Variants in EBF1 observed in about 807,000 individuals in gnomAD.
The protein encoded by EBF1 is transcription factor COE1.
EBF1 carries 10 observed loss-of-function variants against 68.4 expected under a neutral mutation model. The observed-to-expected ratio is 0.15, with a 90% CI of 0.09 to 0.25. The LOEUF (loss-of-function observed/expected upper bound fraction) is 0.25, where lower values mean the gene tolerates loss of function less well. Ranked by LOEUF, EBF1 falls within the 10% of genes least tolerant of loss-of-function variation. EBF1 has a pLI of 1.00. For missense variants in EBF1, 509 were observed against 794.4 expected (o/e 0.64, Z 4.32); for synonymous variants, 298 against 299.8 (o/e 0.99, Z 0.06).
rs776244769 is a variant in EBF1, at chr5:159,098,788, AAAAT to A, written c.134+553_134+556del. On this transcript the variant is annotated intron_variant, in intron 1 of 15. Coordinates refer to ENST00000313708, the MANE Select transcript of EBF1 (RefSeq NM_024007.5). Reference sequence around the variant, plus strand: ...AAAGGAAGAGGAAGGAGAAGAGAAGAAAATAAAGGGGGGAGAAAGGAAAGAAGGA... The same window carrying A: ...AAAGGAAGAGGAAGGAGAAGAGAAGAAAAGGGGGGAGAAAGGAAAGAAGGA... Among the ~76,000 whole-genome samples the A allele has an allele frequency of 2.9e-4, 43 of 148,030 alleles. 1 individual carries two copies. The highest frequency in any genetic ancestry group is 2.3e-4 in the South Asian group (1 of 4,316).
At chr5:159,047,128 C>T (rs1317922109) in intron 6 of EBF1, among the ~76,000 whole-genome samples, 3 of 152,160 alleles carry the variant, frequency 2.0e-5, no homozygotes, top group Admixed American at 2.0e-4. Context: ...CTGCATGGGG[C>T]TTAGAGCATC....
intron 6 of EBF1, among the ~76,000 whole-genome samples, chr5:159,033,009 C>A (rs1769242616): frequency 6.6e-6 from 1 of 152,104 alleles, no homozygotes; most frequent in Non-Finnish European, 1.5e-5. Context: ...CACATCCGCC[C>A]CCACCCCCAA....
At chr5:158,996,224 T>C (rs1561743583) in intron 6 of EBF1, among the ~76,000 whole-genome samples, 1 of 152,256 alleles carries the variant, frequency 6.6e-6, no homozygotes, top group Non-Finnish European at 1.5e-5. Context: ...AAAGGAATTT[T>C]TCTGGAAGTA....
intron 8 of EBF1, among the ~76,000 whole-genome samples, chr5:158,816,841 A>G (rs140791017): frequency 6.6e-6 from 1 of 152,358 alleles, no homozygotes; most frequent in East Asian, 1.9e-4. Context: ...CTTTCTATGA[A>G]GAACACATGC....
intron 7 of EBF1, among the ~76,000 whole-genome samples, chr5:158,835,480 T>A (rs375758382): frequency 1.3e-5 from 2 of 152,364 alleles, no homozygotes; most frequent in East Asian, 3.9e-4. Flanking sequence ...CTCTGCATGA[T>A]GAACTTTGAT....
At chr5:158,735,160 T>C (rs1226811579) in intron 10 of EBF1, among the ~76,000 whole-genome samples, 1 of 152,090 alleles carries the variant, frequency 6.6e-6, no homozygotes, top group Non-Finnish European at 1.5e-5. Flanking sequence ...TTCCGAAAGG[T>C]ACACATAATC....
rs745435049 is a variant in EBF1, at chr5:158,920,159, GTGTGTGTGTGTA to G, written c.555-80061_555-80050del. ...AGGTGCTCATTATATACATATGTGT[GTGTGTGTGTGTA>G]TGTGTGTGTGTATACACACATATGC... On this transcript the variant is annotated intron_variant, in intron 6 of 15. Coordinates refer to ENST00000313708, the MANE Select transcript of EBF1 (RefSeq NM_024007.5). Among the ~76,000 whole-genome samples, 205 of 152,174 alleles carry G rather than the reference GTGTGTGTGTGTA, an allele frequency of 1.3e-3. 1 individual carries two copies. The highest frequency in any genetic ancestry group is 2.6e-3 in the Non-Finnish European group (176 of 68,020).
At chr5:158,897,429 G>C (rs1255706281) in intron 6 of EBF1, among the ~76,000 whole-genome samples, 2 of 152,156 alleles carry the variant, frequency 1.3e-5, no homozygotes, top group Admixed American at 1.3e-4. Flanking sequence ...TGGAGGGTTG[G>C]AGGAGGGAGA....
intron 6 of EBF1, among the ~76,000 whole-genome samples, chr5:159,046,877 G>T (rs1378498815): frequency 1.3e-5 from 2 of 152,186 alleles, no homozygotes; most frequent in Non-Finnish European, 2.9e-5. Context: ...CTACCAATGT[G>T]ATATCACTGA....
At chr5:159,057,577 C>T (rs1775009750) in intron 6 of EBF1, among the ~76,000 whole-genome samples, 1 of 152,124 alleles carries the variant, frequency 6.6e-6, no homozygotes, top group African/African-American at 2.4e-5. Context: ...CAGAGCAGGA[C>T]CCAGATGGCC....
chr5:159,047,116 G>T (rs879612025), intron 6 of EBF1, among the ~76,000 whole-genome samples: 3 of 152,194 alleles, frequency 2.0e-5, no homozygotes, highest in Non-Finnish European at 4.4e-5. Context: ...CACAGCTCCT[G>T]GCTGCATGGG....
Position 158,806,579 on chromosome 5 carries a change from C to G in EBF1, c.779-10104G>C, listed in dbSNP as rs2127779505. Among the ~76,000 whole-genome samples the G allele has an allele frequency of 1.3e-5, 2 of 152,254 alleles. 1 individual carries two copies. Among genetic ancestry groups the G allele is most frequent in the East Asian group, 3.9e-4 (2 of 5,170 alleles). ...TCCACTCACAAGTACAGTTATTATA[C>G]TTAAGTAGTACCCTTAACTGAACAT... On this transcript the variant is annotated intron_variant, in intron 8 of 15. Coordinates refer to ENST00000313708, the MANE Select transcript of EBF1 (RefSeq NM_024007.5).
chr5:158,991,635 A>G (rs1760351227), intron 6 of EBF1, among the ~76,000 whole-genome samples: 1 of 152,262 alleles, frequency 6.6e-6, no homozygotes, highest in African/African-American at 2.4e-5. Context: ...AGTATTTGTC[A>G]TCTTAAAAGT....
At chr5:158,826,900 A>G (rs1270263612) in intron 7 of EBF1, among the ~76,000 whole-genome samples, 1 of 152,142 alleles carries the variant, frequency 6.6e-6, no homozygotes, top group East Asian at 1.9e-4. Context: ...GTATTATTCC[A>G]ATCCCCCTCT....
At chr5:158,914,981 T>G (rs191890759) in intron 6 of EBF1, among the ~76,000 whole-genome samples, 21 of 152,320 alleles carry the variant, frequency 1.4e-4, no homozygotes, top group Admixed American at 1.1e-3. Flanking sequence ...ATTAGAATAA[T>G]CCTTTATAAT....
intron 8 of EBF1, among the ~76,000 whole-genome samples, chr5:158,803,354 GT>G (rs34836103): frequency 0.028 from 3,688 of 133,770 alleles, 121 homozygotes; most frequent in African/African-American, 0.083. Context: ...TTTTGCTGGT[GT>G]TTTTTTTTTT....
At chr5:159,042,094 T>C (rs1038418874) in intron 6 of EBF1, among the ~76,000 whole-genome samples, 6 of 152,168 alleles carry the variant, frequency 3.9e-5, no homozygotes, top group Non-Finnish European at 7.4e-5. Flanking sequence ...AAGGGAACTT[T>C]TTCCCATGCA....
At chr5:158,875,087 A>ACACC (rs10581960) in intron 6 of EBF1, among the ~76,000 whole-genome samples, 129 of 149,116 alleles carry the variant, frequency 8.7e-4, no homozygotes, top group African/African-American at 2.9e-3. Flanking sequence ...ACACACACAC[A>ACACC]CCAGGCAGTT....
intron 10 of EBF1, among the ~76,000 whole-genome samples, chr5:158,765,204 C>A (rs1581692689): frequency 6.6e-6 from 1 of 152,036 alleles, no homozygotes; most frequent in Non-Finnish European, 1.5e-5. Context: ...GTCTTCTGAG[C>A]TAACCAATGC....
Sources: allele counts gnomAD v4.1 joint callset (sites outside exome capture counted in the v4.1 genomes callset), GRCh38; gene constraint gnomAD v4.1.1; transcripts MANE v1.5; gene names NCBI Gene and HGNC (gene_info 2026-07-23, HGNC 2026-07-21).